TAF4B: variants seen among roughly 807,000 people sequenced by gnomAD.
TAF4B encodes transcription initiation factor TFIID subunit 4B.
In TAF4B, 38 loss-of-function variants were observed where a neutral mutation model predicts 86.4. The observed-to-expected ratio is 0.44, with a 90% CI of 0.34 to 0.58. The LOEUF (loss-of-function observed/expected upper bound fraction) is 0.58. Among genes scored for constraint, TAF4B ranks in the 20% least tolerant of loss-of-function variants. The pLI is 0.02. For synonymous variants in TAF4B, 388 were observed against 391.2 expected (o/e 0.99, Z 0.10); for missense variants, 988 against 1,027.6 (o/e 0.96, Z 0.53).
At chr18:26,380,816 A>T (rs2057473252) in intron 14 of TAF4B, among the ~76,000 whole-genome samples, 1 of 151,850 alleles carries the variant, frequency 6.6e-6, no homozygotes, top group Non-Finnish European at 1.5e-5. Flanking sequence ...TTTTACCAGA[A>T]TGAGAATTCA....
At chr18:26,382,876 A>G (rs1978298252) in intron 14 of TAF4B, among the ~76,000 whole-genome samples, 1 of 152,164 alleles carries the variant, frequency 6.6e-6, no homozygotes, top group South Asian at 2.1e-4. Flanking sequence ...AAGTACTACT[A>G]AAGTGCATAG....
At chr18:26,237,983 G>A (rs925611444) in intron 1 of TAF4B, among the ~76,000 whole-genome samples, 11 of 152,238 alleles carry the variant, frequency 7.2e-5, no homozygotes, top group Middle Eastern at 3.4e-3. Context: ...GCAACGGTCC[G>A]TGGACCCTGC....
At chr18:26,352,759 G>A (rs764772585) in intron 13 of TAF4B, among the ~76,000 whole-genome samples, 5 of 152,102 alleles carry the variant, frequency 3.3e-5, no homozygotes, top group South Asian at 2.1e-4. Context: ...CTGTCTCCCC[G>A]CCACACCCCT....
At chr18:26,230,996 C>T (rs2055656739) in intron 1 of TAF4B, among the ~76,000 whole-genome samples, 1 of 141,680 alleles carries the variant, frequency 7.1e-6, no homozygotes. Flanking sequence ...GTAATTTCCT[C>T]TTCAAAGTAA....
chr18:26,364,283 G>A (rs570573981), intron 14 of TAF4B, among the ~76,000 whole-genome samples: 10 of 152,240 alleles, frequency 6.6e-5, no homozygotes, highest in South Asian at 2.1e-4. Context: ...CTAGTGGGTC[G>A]CAGGAGGGTG....
chr18:26,389,523 G>T (rs1424867348), intron 14 of TAF4B, among the ~76,000 whole-genome samples: 2 of 152,194 alleles, frequency 1.3e-5, no homozygotes, highest in African/African-American at 4.8e-5. Context: ...AAAGATTTGT[G>T]TAAGACCTTT....
intron 3 of TAF4B, among the ~76,000 whole-genome samples, chr18:26,269,975 A>G (rs1347647894): frequency 6.6e-6 from 1 of 152,196 alleles, no homozygotes; most frequent in African/African-American, 2.4e-5. Flanking sequence ...CTACTATCAT[A>G]TTGTTTTATG....
intron 8 of TAF4B, among the ~76,000 whole-genome samples, chr18:26,293,215 TA>T (rs2056617326): frequency 6.6e-6 from 1 of 152,158 alleles, no homozygotes; most frequent in Admixed American, 6.5e-5. Flanking sequence ...ATAGACTATC[TA>T]AAAAGAAATG....
At chr18:26,342,372 T>C (rs1346938358) in intron 13 of TAF4B, among the ~76,000 whole-genome samples, 1 of 152,224 alleles carries the variant, frequency 6.6e-6, no homozygotes, top group Non-Finnish European at 1.5e-5. Context: ...CTGTTAAATG[T>C]GCCCCTGTTC....
intron 5 of TAF4B, among the ~76,000 whole-genome samples, chr18:26,276,443 C>T (rs376159531): frequency 4.6e-5 from 7 of 152,308 alleles, no homozygotes; most frequent in South Asian, 2.1e-4. Context: ...AGATTTCTCT[C>T]ACCACGTAAT....
At chr18:26,356,567 A>G (rs1333265077) in intron 13 of TAF4B, among the ~76,000 whole-genome samples, 1 of 152,122 alleles carries the variant, frequency 6.6e-6, no homozygotes, top group Non-Finnish European at 1.5e-5. Flanking sequence ...TTGAAAGAAT[A>G]TTCTCAGTAC....
At chr18:26,371,772 C>G (rs944578990) in intron 14 of TAF4B, among the ~76,000 whole-genome samples, 1 of 152,084 alleles carries the variant, frequency 6.6e-6, no homozygotes, top group Non-Finnish European at 1.5e-5. Flanking sequence ...CAACTAGTCC[C>G]CAAATTTAAG....
intron 14 of TAF4B, among the ~76,000 whole-genome samples, chr18:26,360,137 A>G (rs914503598): frequency 1.3e-5 from 2 of 152,208 alleles, no homozygotes; most frequent in African/African-American, 2.4e-5. Flanking sequence ...TATTTAATAC[A>G]TAAATATTAT....
At chr18:26,292,886 T>TA (rs1263456308) in intron 8 of TAF4B, among the ~76,000 whole-genome samples, 1 of 152,164 alleles carries the variant, frequency 6.6e-6, no homozygotes, top group South Asian at 2.1e-4. Flanking sequence ...TGTTTTGGAA[T>TA]AAAAAAAGCA....
intron 14 of TAF4B, among the ~76,000 whole-genome samples, chr18:26,385,332 A>G (rs1978322346): frequency 6.6e-6 from 1 of 152,218 alleles, no homozygotes; most frequent in African/African-American, 2.4e-5. Flanking sequence ...TGTTAGAGCA[A>G]TAGAGTTCCT....
intron 14 of TAF4B, among the ~76,000 whole-genome samples, chr18:26,370,349 T>C (rs2057398210): frequency 6.6e-6 from 1 of 152,168 alleles, no homozygotes; most frequent in Admixed American, 6.5e-5. Flanking sequence ...GTGTACAACA[T>C]TTATTGGGAA....
intron 12 of TAF4B, among the ~76,000 whole-genome samples, chr18:26,334,761 C>T (rs1263013322): frequency 1.3e-5 from 2 of 152,168 alleles, no homozygotes; most frequent in African/African-American, 2.4e-5. Flanking sequence ...TAATAGTCCT[C>T]GAAATACCTA....
At chr18:26,231,490 T>G (rs1371586432) in intron 1 of TAF4B, among the ~76,000 whole-genome samples, 1 of 151,766 alleles carries the variant, frequency 6.6e-6, no homozygotes, top group African/African-American at 2.4e-5. Context: ...TAGCTGAGAT[T>G]ACAGGTGTGT....
chr18:26,377,701 G>A (rs1030456216), intron 14 of TAF4B, among the ~76,000 whole-genome samples: 2 of 152,148 alleles, frequency 1.3e-5, no homozygotes, highest in African/African-American at 4.8e-5. Context: ...AGTATTATAC[G>A]TAAATGGGCC....
Sources: allele counts gnomAD v4.1 joint callset (sites outside exome capture counted in the v4.1 genomes callset), GRCh38; gene constraint gnomAD v4.1.1; transcripts MANE v1.5; gene names NCBI Gene and HGNC (gene_info 2026-07-23, HGNC 2026-07-21).